Variants in TANC2 observed in about 807,000 individuals in gnomAD.
TANC2 encodes the protein tetratricopeptide repeat, ankyrin repeat and coiled-coil containing 2.
A neutral mutation model predicts 210.5 loss-of-function variants in TANC2; 26 were observed. The ratio of observed to expected loss-of-function variants is 0.12; its 90% CI spans 0.09 to 0.17. The LOEUF (loss-of-function observed/expected upper bound fraction) is 0.17. Among genes scored for constraint, TANC2 ranks in the 10% least tolerant of loss-of-function variants. The pLI, the probability that TANC2 is intolerant of heterozygous loss-of-function variation, is 1.00. For missense variants in TANC2, 2,129 were observed against 2,608.9 expected (o/e 0.82, Z 4.01); for synonymous variants, 931 against 967.1 (o/e 0.96, Z 0.69).
intron 4 of TANC2, among the ~76,000 whole-genome samples, chr17:63,108,924 T>C (rs1220249897): frequency 1.3e-5 from 2 of 150,540 alleles, no homozygotes; most frequent in African/African-American, 4.9e-5. Flanking sequence ...CAAAATAGAA[T>C]CTAACAACAA....
intron 7 of TANC2, among the ~76,000 whole-genome samples, chr17:63,229,923 A>G (rs1031463515): frequency 4.6e-5 from 7 of 152,086 alleles, no homozygotes; most frequent in African/African-American, 1.7e-4. Context: ...CCTCCTGAGT[A>G]GCTGGGATTA....
chr17:63,004,296 A>G (rs2033514434), intron 1 of TANC2, among the ~76,000 whole-genome samples: 1 of 152,206 alleles, frequency 6.6e-6, no homozygotes, highest in Non-Finnish European at 1.5e-5. Context: ...ACTGGGGCTC[A>G]GGTCCCAACA....
intron 7 of TANC2, among the ~76,000 whole-genome samples, chr17:63,207,271 G>A (rs1435165997): frequency 2.7e-4 from 39 of 143,184 alleles, no homozygotes; most frequent in Middle Eastern, 3.7e-3. Flanking sequence ...GCTGGAGTGC[G>A]GTTGCGCAGT....
intron 4 of TANC2, among the ~76,000 whole-genome samples, chr17:63,144,841 T>C (rs979313219): frequency 2.0e-5 from 3 of 152,174 alleles, no homozygotes; most frequent in Admixed American, 6.5e-5. Context: ...GATTATCATA[T>C]CAAATTTTCA....
chr17:63,385,284 A>G (rs1394203815), intron 15 of TANC2, among the ~76,000 whole-genome samples: 1 of 152,138 alleles, frequency 6.6e-6, no homozygotes, highest in Non-Finnish European at 1.5e-5. Flanking sequence ...TTCTCTCTGA[A>G]TTCGTTAATA....
chr17:63,317,143 T>G (rs968042536), intron 10 of TANC2, among the ~76,000 whole-genome samples: 1 of 152,144 alleles, frequency 6.6e-6, no homozygotes, highest in African/African-American at 2.4e-5. Flanking sequence ...CTTCTTTCTC[T>G]GCATCATCTG....
intron 18 of TANC2, 156 bp downstream of exon 18, chr17:63,396,084 A>G: frequency 5.8e-6 from 4 of 689,728 alleles, no homozygotes; most frequent in Non-Finnish European, 9.4e-6. Flanking sequence ...TCCATGAAGC[A>G]CTTTACTCAA....
intron 7 of TANC2, among the ~76,000 whole-genome samples, chr17:63,222,297 G>C (rs1259467432): frequency 6.6e-6 from 1 of 152,102 alleles, no homozygotes; most frequent in Non-Finnish European, 1.5e-5. Flanking sequence ...GGAGACACAA[G>C]CATACAGACC....
At chr17:62,979,828 T>G (rs932751748) in intron 1 of TANC2, among the ~76,000 whole-genome samples, 2 of 152,190 alleles carry the variant, frequency 1.3e-5, no homozygotes, top group Non-Finnish European at 2.9e-5. Context: ...GGAGGATAGC[T>G]TGAGCCTGGG....
chr17:62,972,241 G>T (rs984215947), intron 1 of TANC2, among the ~76,000 whole-genome samples: 2 of 151,972 alleles, frequency 1.3e-5, no homozygotes, highest in Admixed American at 1.3e-4. Flanking sequence ...TTTTTTTGTT[G>T]TGGGCCACAC....
At chr17:63,277,296 CTTTTA>C (rs897096255) in intron 9 of TANC2, among the ~76,000 whole-genome samples, 14 of 134,896 alleles carry the variant, frequency 1.0e-4, no homozygotes, top group African/African-American at 3.2e-4. Flanking sequence ...TTTTTTTTAA[CTTTTA>C]TTTTAGGTTC....
At chr17:63,209,612 T>C (rs1024130960) in intron 7 of TANC2, among the ~76,000 whole-genome samples, 1 of 152,052 alleles carries the variant, frequency 6.6e-6, no homozygotes, top group Admixed American at 6.6e-5. Context: ...TTTTTGTTTT[T>C]TTAGTAGAGA....
chr17:63,300,912 G>T (rs1035982008), intron 9 of TANC2, among the ~76,000 whole-genome samples: 1 of 152,126 alleles, frequency 6.6e-6, no homozygotes, highest in African/African-American at 2.4e-5. Context: ...TCAGCTGTGG[G>T]TTTGTCATAA....
intron 9 of TANC2, among the ~76,000 whole-genome samples, chr17:63,306,411 C>G (rs551553953): frequency 1.3e-5 from 2 of 152,274 alleles, no homozygotes; most frequent in African/African-American, 4.8e-5. Flanking sequence ...ATAAAACTCT[C>G]TTGATTCCCT....
chr17:62,983,064 A>G (rs1161903779), intron 1 of TANC2, among the ~76,000 whole-genome samples: 3 of 152,058 alleles, frequency 2.0e-5, no homozygotes, highest in Non-Finnish European at 2.9e-5. Context: ...AATCATTTTA[A>G]CACTCTTCTT....
chr17:63,349,841 C>CA (rs1162982347), intron 12 of TANC2, among the ~76,000 whole-genome samples: 8 of 152,130 alleles, frequency 5.3e-5, no homozygotes, highest in Non-Finnish European at 1.5e-5. Flanking sequence ...TAGTTCCAAG[C>CA]AACTCCTCTT....
chr17:63,272,471 A>AT (rs1025615625), intron 9 of TANC2, among the ~76,000 whole-genome samples: 2 of 151,958 alleles, frequency 1.3e-5, no homozygotes, highest in Admixed American at 6.6e-5. Flanking sequence ...TTTTAAAATA[A>AT]TTTTTTCTGG....
At chr17:62,974,950 TA>T (rs1411033637) in intron 1 of TANC2, among the ~76,000 whole-genome samples, 1 of 152,246 alleles carries the variant, frequency 6.6e-6, no homozygotes, top group African/African-American at 2.4e-5. Flanking sequence ...TAGCCATTCT[TA>T]TTTCCTTGTC....
intron 9 of TANC2, among the ~76,000 whole-genome samples, chr17:63,278,427 G>A (rs1019315006): frequency 3.3e-5 from 5 of 151,862 alleles, no homozygotes; most frequent in African/African-American, 4.8e-5. Flanking sequence ...TAATGAGATA[G>A]TACCTCACAC....
Sources: gnomAD v4.1 joint callset for allele counts (sites outside exome capture counted in the v4.1 genomes callset) on GRCh38, gnomAD v4.1.1 for gene constraint, MANE v1.5 for transcripts, NCBI Gene and HGNC (gene_info 2026-07-23, HGNC 2026-07-21) for gene names.